Variants in PAX3 observed in about 807,000 individuals in gnomAD.
The protein encoded by PAX3 is paired box 3, also known as paired box protein Pax-3.
A neutral mutation model predicts 51.6 loss-of-function variants in PAX3; 14 were observed. The ratio of observed to expected loss-of-function variants is 0.27; its 90% CI spans 0.18 to 0.42. The LOEUF is 0.42. PAX3 is among the 10% of genes least tolerant of loss of function. PAX3 has a pLI of 1.00. For missense variants in PAX3, 540 were observed against 642.8 expected, an observed-to-expected ratio of 0.84 and a Z score of 1.73; for synonymous variants, 280 against 253.4, an observed-to-expected ratio of 1.11 and a Z score of -1.00.
intron 7 of PAX3, among the ~76,000 whole-genome samples, chr2:222,210,815 C>T (rs563544631): frequency 2.6e-5 from 4 of 152,216 alleles, no homozygotes; most frequent in Admixed American, 6.5e-5. Context: ...ACTCAGTTTC[C>T]GTGTTTGCTT....
intron 5 of PAX3, chr2:222,221,720 A>G (rs1692200936): frequency 2.9e-6 from 1 of 343,544 alleles, no homozygotes; most frequent in African/African-American, 2.1e-5. Context: ...CTACGTGTAG[A>G]CAGCCTTCTG....
At chr2:222,217,574 G>A (rs1272414877) in intron 7 of PAX3, among the ~76,000 whole-genome samples, 2 of 151,998 alleles carry the variant, frequency 1.3e-5, no homozygotes, top group South Asian at 2.1e-4. Flanking sequence ...GGAAGTAGAA[G>A]AGTAAGTAGT....
intron 7 of PAX3, among the ~76,000 whole-genome samples, chr2:222,217,485 C>T (rs1692009886): frequency 6.6e-6 from 1 of 152,086 alleles, no homozygotes; most frequent in Non-Finnish European, 1.5e-5. Context: ...CCCTATCAAT[C>T]CTTTGGCTGG....
chr2:222,233,615 A>G (rs1692691834), intron 4 of PAX3, among the ~76,000 whole-genome samples: 1 of 152,078 alleles, frequency 6.6e-6, no homozygotes, highest in African/African-American at 2.4e-5. Context: ...AATGCATCAG[A>G]CCAGGGCTAC....
At position 222,202,033 on chromosome 2, in the gene PAX3, G is replaced by A; in HGVS notation, c.1331C>T (p.Thr444Ile). 2 of 1,614,102 alleles carry A rather than the reference G, an allele frequency of 1.2e-6. No individual in the cohort carries two copies. The highest frequency in any genetic ancestry group is 1.7e-6 in the Non-Finnish European group (2 of 1,180,012). The change falls in exon 8 of 9, where the codon ACA becomes ATA. Residue 444 changes from threonine to isoleucine, a missense_variant. By Grantham distance (89) the Thr-to-Ile change is moderately conservative. Transcript: ENST00000392070. ...DHMKSLDSLP[T>I]SQSYCPPTYS... Reference sequence around the variant, plus strand: ...GGTGGGTGGACAGTAGGACTGAGATGTTGGCAGACTGTCCAAGCTCTTCAT... The same window carrying A: ...GGTGGGTGGACAGTAGGACTGAGATATTGGCAGACTGTCCAAGCTCTTCAT...
chr2:222,217,617 T>G (rs1692015492), intron 7 of PAX3, among the ~76,000 whole-genome samples: 2 of 8,946 alleles, frequency 2.2e-4, no homozygotes, highest in South Asian at 0.014. Flanking sequence ...CATAACGCTA[T>G]TAGTTATTCT....
rs1033461615 is a variant in PAX3 at position 222,205,473 on chromosome 2, C to G, written c.1174-3283G>C. Among the ~76,000 whole-genome samples the G allele has an allele frequency of 2.6e-5, 4 of 152,108 alleles. No individual in the cohort carries two copies. In the East Asian group the frequency reaches 7.7e-4, roughly 29 times the overall value. ...CAGTTATCTTTTGTTCCTCTGACTT[C>G]CCTGATAGAGCCCCCAAGACAGACA... On this transcript the variant is annotated intron_variant, in intron 7 of 8. Transcript: ENST00000392070.
chr2:222,221,459 C>T, intron 5 of PAX3, 72 bp from the exon 6 acceptor site: 1 of 1,397,336 alleles, frequency 7.2e-7, no homozygotes, highest in South Asian at 1.2e-5. Flanking sequence ...ATTTTTTATG[C>T]TAAAACAGAT....
At chr2:222,213,040 C>T (rs1396831002) in intron 7 of PAX3, among the ~76,000 whole-genome samples, 2 of 152,172 alleles carry the variant, frequency 1.3e-5, no homozygotes, top group Non-Finnish European at 2.9e-5. Context: ...GAGAACATAG[C>T]TGACAGAATT....
rs1691314973 is a variant in PAX3 at position 222,202,083 on chromosome 2, G to A, written c.1281C>T (p.Ala427=). ...TATGGTCTAGTCTCTGACTGCAGCTGGCCGACACCGTGGTGGTAGGTTCCA... is the reference window on the plus strand; with the variant it reads ...TATGGTCTAGTCTCTGACTGCAGCTAGCCGACACCGTGGTGGTAGGTTCCA... The part of the protein sequence containing the change: ...GGLEPTTTVS[A]SCSQRLDHMK... The change falls in exon 8 of 9, where the codon GCC becomes GCT. Residue 427 remains alanine, a synonymous_variant. Coordinates refer to ENST00000392070, the MANE Select transcript of PAX3 (RefSeq NM_181458.4). 1.2e-6 allele frequency: 2 copies of A among 1,614,028 alleles called. No individual in the cohort carries two copies. Among genetic ancestry groups the A allele is most frequent in the African/African-American group, 2.7e-5 (2 of 75,030 alleles).
chr2:222,293,593 C>A lies in PAX3; in HGVS notation c.586+574G>T, dbSNP rs45564641. 6.3e-4 allele frequency: 1,008 copies of A among 1,598,156 alleles called. 6 individuals are homozygous for A. The African/African-American group carries it at 0.011, about 18-fold the overall frequency. On this transcript the variant is annotated intron_variant, in intron 4 of 8. Coordinates refer to ENST00000392070, the MANE Select transcript of PAX3 (RefSeq NM_181458.4). The stretch of plus-strand genomic sequence containing the variant: ...AATTCCCAGGCACACACAGGTTAAA[C>A]CCCCTCACATTTGAAAATCAACTTC...
Position 222,221,106 on chromosome 2 carries a change from T to G in PAX3, c.958+116A>C, listed in dbSNP as rs569270083. ...GATAGGTACGTTCAGGACAACCTGA[T>G]GTATTACAATTAACAACATGGTGTC... is the stretch of plus-strand genomic sequence containing the variant. On this transcript the variant is annotated intron_variant, in intron 6 of 8. Coordinates refer to ENST00000392070, the MANE Select transcript of PAX3 (RefSeq NM_181458.4). 142 of 959,198 alleles carry G rather than the reference T, an allele frequency of 1.5e-4. No individual in the cohort carries two copies. The South Asian group carries it at 1.8e-3, about 12-fold the overall frequency. 59.4% of individuals were successfully genotyped at this position (959,198 alleles called of 1,614,324 possible).
chr2:222,234,156 G>T (rs1692712322), intron 4 of PAX3, among the ~76,000 whole-genome samples: 2 of 152,036 alleles, frequency 1.3e-5, no homozygotes, highest in Admixed American at 6.6e-5. Flanking sequence ...ATGAAACTAA[G>T]AGGCAATAGA....
chr2:222,298,640 T>G lies in PAX3; in HGVS notation c.-25A>C, dbSNP rs1260137839. 6.3e-7 allele frequency: 1 copy of G among 1,588,322 alleles called. No individual in the cohort carries two copies. The highest frequency in any genetic ancestry group is 1.3e-5 in the African/African-American group (1 of 74,314). ...TCCTGGGGGCAGCTTCGCTCGGAAA[T>G]TATATCCAGGTGAAGGCGAAACGGA... On this transcript the variant is annotated 5_prime_UTR_variant, in exon 1 of 9. Coordinates refer to ENST00000392070, the MANE Select transcript of PAX3 (RefSeq NM_181458.4).
intron 4 of PAX3, among the ~76,000 whole-genome samples, chr2:222,249,478 GT>G (rs1464283150): frequency 6.6e-6 from 1 of 152,084 alleles, no homozygotes; most frequent in East Asian, 1.9e-4. Flanking sequence ...CAACAAAGAG[GT>G]TTTTTTCTTC....
chr2:222,257,826 G>A (rs1693703427), intron 4 of PAX3, among the ~76,000 whole-genome samples: 1 of 152,178 alleles, frequency 6.6e-6, no homozygotes, highest in African/African-American at 2.4e-5. Flanking sequence ...TGCCCACCAG[G>A]GCCTCCCCAG....
At chr2:222,290,560 C>T (rs1295773855) in intron 4 of PAX3, among the ~76,000 whole-genome samples, 1 of 152,156 alleles carries the variant, frequency 6.6e-6, no homozygotes, top group Non-Finnish European at 1.5e-5. Context: ...ATCAATTTGG[C>T]AATCTGGCCT....
At chr2:222,249,445 C>A (rs764734187) in intron 4 of PAX3, among the ~76,000 whole-genome samples, 3 of 152,190 alleles carry the variant, frequency 2.0e-5, no homozygotes, top group Non-Finnish European at 4.4e-5. Flanking sequence ...TACTCTTCAA[C>A]TTCCAGAGTC....
intron 4 of PAX3, among the ~76,000 whole-genome samples, chr2:222,283,217 G>T (rs1694707666): frequency 6.6e-6 from 1 of 152,166 alleles, no homozygotes; most frequent in Non-Finnish European, 1.5e-5. Context: ...ATACAAACAA[G>T]ACATTATGCA....
Sources: gnomAD v4.1 joint callset for allele counts (sites outside exome capture counted in the v4.1 genomes callset) on GRCh38, gnomAD v4.1.1 for gene constraint, MANE v1.5 for transcripts, NCBI Gene and HGNC (gene_info 2026-07-23, HGNC 2026-07-21) for gene names.